Variants in GUCY1A2 observed in about 807,000 individuals in gnomAD.
GUCY1A2 encodes guanylate cyclase soluble subunit alpha-2.
A neutral mutation model predicts 63.5 loss-of-function variants in GUCY1A2; 27 were observed. The ratio of observed to expected loss-of-function variants is 0.43; its 90% CI spans 0.31 to 0.59. The LOEUF (loss-of-function observed/expected upper bound fraction) is 0.59, where lower values mean the gene tolerates loss of function less well. Ranked by LOEUF, GUCY1A2 falls within the 20% of genes least tolerant of loss-of-function variation. The probability of loss-of-function intolerance (pLI) is 0.11; values close to 1 mark genes in which losing one functional copy is unlikely to be tolerated. For synonymous variants in GUCY1A2, 364 were observed against 343.5 expected (o/e 1.06, Z -0.66); for missense variants, 768 against 913.3 (o/e 0.84, Z 2.05).
chr11:106,992,637 G>C (rs912737174), intron 1 of GUCY1A2, among the ~76,000 whole-genome samples: 1 of 152,002 alleles, frequency 6.6e-6, no homozygotes, highest in Non-Finnish European at 1.5e-5. Context: ...GCCAGAACAT[G>C]TCATCTCTTA....
At chr11:106,819,090 A>C (rs76025647) in intron 4 of GUCY1A2, among the ~76,000 whole-genome samples, 2,741 of 152,264 alleles carry the variant, frequency 0.018, 71 homozygotes, top group African/African-American at 0.061. Context: ...TAGAAATGGC[A>C]AAAAGCACTA....
intron 4 of GUCY1A2, among the ~76,000 whole-genome samples, chr11:106,811,880 T>C (rs1858766298): frequency 6.6e-6 from 1 of 151,988 alleles, no homozygotes; most frequent in Admixed American, 6.6e-5. Flanking sequence ...ACAGTTCCCC[T>C]TTTCAAACGT....
intron 3 of GUCY1A2, among the ~76,000 whole-genome samples, chr11:106,943,909 T>TA (rs555268378): frequency 1.4e-4 from 21 of 151,706 alleles, no homozygotes; most frequent in Admixed American, 1.1e-3. Flanking sequence ...GAGACTTAAA[T>TA]AAAAAAACAG....
chr11:106,890,665 T>A (rs1859961560), intron 4 of GUCY1A2, among the ~76,000 whole-genome samples: 1 of 152,106 alleles, frequency 6.6e-6, no homozygotes, highest in African/African-American at 2.4e-5. Flanking sequence ...TACACAAAAT[T>A]TCATCTAGTT....
At chr11:106,692,818 T>A (rs1862648256) in intron 7 of GUCY1A2, among the ~76,000 whole-genome samples, 1 of 152,108 alleles carries the variant, frequency 6.6e-6, no homozygotes, top group African/African-American at 2.4e-5. Flanking sequence ...TTGCTGAAAA[T>A]GTCTTTCCAT....
At position 106,700,116 on chromosome 11, in the gene GUCY1A2, A is replaced by C. The variant is rs1032053860; in HGVS notation, c.1991+8396T>G. Among the ~76,000 whole-genome samples, 4 of 152,176 alleles carry C rather than the reference A, an allele frequency of 2.6e-5. No homozygotes were observed. The East Asian group carries it at 7.7e-4, about 29-fold the overall frequency. ...TATGAAAACAACCAACCACTTTTGC[A>C]AAGTACATAATTATATATTTTCTCA... On this transcript the variant is annotated intron_variant, in intron 7 of 7. Transcript: ENST00000526355.
At chr11:106,688,265 C>T (rs937007608) in intron 7 of GUCY1A2, among the ~76,000 whole-genome samples, 1 of 152,084 alleles carries the variant, frequency 6.6e-6, no homozygotes, top group Non-Finnish European at 1.5e-5. Context: ...TTCGTGACTC[C>T]CAATGTCTCT....
chr11:106,879,123 C>T (rs936911475), intron 4 of GUCY1A2, among the ~76,000 whole-genome samples: 2 of 152,008 alleles, frequency 1.3e-5, no homozygotes, highest in Non-Finnish European at 2.9e-5. Flanking sequence ...TTTTTTAGTG[C>T]GTTAATTGTC....
chr11:106,766,346 T>C (rs1473154781), intron 6 of GUCY1A2, among the ~76,000 whole-genome samples: 3 of 152,284 alleles, frequency 2.0e-5, no homozygotes, highest in Non-Finnish European at 2.9e-5. Context: ...TGTGTCATGA[T>C]ATTACCAAGT....
chr11:106,730,268 C>T (rs1398124444), intron 6 of GUCY1A2, among the ~76,000 whole-genome samples: 1 of 151,538 alleles, frequency 6.6e-6, no homozygotes, highest in Non-Finnish European at 1.5e-5. Context: ...CCTCACTCTC[C>T]TCCTACCCCC....
intron 4 of GUCY1A2, among the ~76,000 whole-genome samples, chr11:106,847,746 T>G (rs141891921): frequency 0.019 from 2,853 of 151,782 alleles, 51 homozygotes; most frequent in Middle Eastern, 0.041. Context: ...TTCCTTCTTT[T>G]TCAACATATG....
At chr11:106,951,113 TACC>T (rs1413093073) in intron 3 of GUCY1A2, among the ~76,000 whole-genome samples, 4 of 152,250 alleles carry the variant, frequency 2.6e-5, no homozygotes, top group African/African-American at 9.6e-5. Context: ...GGTGTATATG[TACC>T]ACATTTTCTT....
intron 7 of GUCY1A2, among the ~76,000 whole-genome samples, chr11:106,693,140 G>A (rs1356150585): frequency 6.6e-6 from 1 of 152,184 alleles, no homozygotes; most frequent in Non-Finnish European, 1.5e-5. Context: ...TACTTGAAGG[G>A]CAAAGGAAGA....
intron 7 of GUCY1A2, among the ~76,000 whole-genome samples, chr11:106,693,727 C>A (rs987143406): frequency 1.4e-4 from 21 of 152,050 alleles, no homozygotes; most frequent in African/African-American, 4.8e-4. Context: ...CATTATTTCC[C>A]AACACATAAA....
At chr11:106,915,385 A>G (rs2119882011) in intron 4 of GUCY1A2, among the ~76,000 whole-genome samples, 1 of 152,232 alleles carries the variant, frequency 6.6e-6, no homozygotes, top group East Asian at 1.9e-4. Flanking sequence ...TATCTGTACT[A>G]CCGACGAGGC....
At chr11:107,013,781 T>G (rs1476798815) in intron 1 of GUCY1A2, among the ~76,000 whole-genome samples, 1 of 152,180 alleles carries the variant, frequency 6.6e-6, no homozygotes, top group Non-Finnish European at 1.5e-5. Context: ...CTACCCAAAG[T>G]GAATGACAAA....
At chr11:106,835,422 T>C (rs1284731495) in intron 4 of GUCY1A2, among the ~76,000 whole-genome samples, 1 of 151,658 alleles carries the variant, frequency 6.6e-6, no homozygotes, top group Admixed American at 6.6e-5. Flanking sequence ...TCAAGTAATA[T>C]ATGATATAGA....
chr11:106,946,691 T>C (rs1860833735), intron 3 of GUCY1A2, among the ~76,000 whole-genome samples: 1 of 152,180 alleles, frequency 6.6e-6, no homozygotes, highest in Middle Eastern at 3.4e-3. Flanking sequence ...CAAGCAACAT[T>C]GTAGCTAAAT....
intron 4 of GUCY1A2, among the ~76,000 whole-genome samples, chr11:106,813,762 A>G (rs1858795152): frequency 6.6e-6 from 1 of 152,108 alleles, no homozygotes; most frequent in Admixed American, 6.6e-5. Context: ...TTCCTTATCT[A>G]TAAACTGGAA....
Sources: allele counts gnomAD v4.1 joint callset (sites outside exome capture counted in the v4.1 genomes callset), GRCh38; gene constraint gnomAD v4.1.1; transcripts MANE v1.5; gene names NCBI Gene and HGNC (gene_info 2026-07-23, HGNC 2026-07-21).